The following FAF1 variants were observed in gnomAD, a reference collection of about 807,000 sequenced individuals.
FAF1 encodes the protein Fas associated factor 1, also known as FAS-associated factor 1.
A neutral mutation model predicts 92.5 loss-of-function variants in FAF1; 25 were observed. The observed-to-expected ratio is 0.27, with a 90% confidence interval of 0.20 to 0.38. The LOEUF is 0.38. FAF1 is among the 10% of genes least tolerant of loss of function. FAF1 has a pLI of 1.00. For missense variants in FAF1, 636 were observed against 793.3 expected (o/e 0.80, Z 2.38); for synonymous variants, 234 against 273.2 (o/e 0.86, Z 1.42).
At chr1:50,894,155 C>T (rs2124703177) in intron 1 of FAF1, among the ~76,000 whole-genome samples, 1 of 151,880 alleles carries the variant, frequency 6.6e-6, no homozygotes, top group South Asian at 2.1e-4. Flanking sequence ...AAAAATTAGC[C>T]AGGTGTGGTG....
At chr1:50,798,258 T>C (rs1317203666) in intron 3 of FAF1, among the ~76,000 whole-genome samples, 1 of 152,190 alleles carries the variant, frequency 6.6e-6, no homozygotes, top group Non-Finnish European at 1.5e-5. Context: ...AATAAACATC[T>C]TCTCTAGGTG....
intron 3 of FAF1, among the ~76,000 whole-genome samples, chr1:50,800,157 T>C: frequency 6.6e-6 from 1 of 152,316 alleles, no homozygotes; most frequent in South Asian, 2.1e-4. Flanking sequence ...AGTCATAAAA[T>C]ATATTAAATA....
chr1:50,492,291 T>A (rs575959738), intron 15 of FAF1, among the ~76,000 whole-genome samples: 23 of 152,166 alleles, frequency 1.5e-4, no homozygotes, highest in Non-Finnish European at 2.5e-4. Context: ...TGGGTCAGTG[T>A]AGAAAGAGGC....
At position 50,437,594 on chromosome 1, in the gene FAF1, G is replaced by A. The variant is rs1186447400; in HGVS notation, c.*3846C>T. 1 of 151,858 alleles carries A rather than the reference G, an allele frequency of 6.6e-6. No individual in the cohort carries two copies. Among genetic ancestry groups the A allele is most frequent in the African/African-American group, 2.4e-5 (1 of 41,330 alleles). 9.4% of individuals were successfully genotyped at this position (151,858 alleles called of 1,614,324 possible). A position where few individuals can be genotyped will look rare whatever the true frequency, so the allele number is the denominator to read the frequency against. On this transcript the variant is annotated 3_prime_UTR_variant, in exon 19 of 19. Transcript: ENST00000396153. ...TATTTATTTATTTTTTTAGAGACAG[G>A]GTCTTGGTATGTGGTCAGGGCTGGT...
At chr1:50,894,355 G>GTGGTGAA (rs1248390235) in intron 1 of FAF1, among the ~76,000 whole-genome samples, 1 of 146,254 alleles carries the variant, frequency 6.8e-6, no homozygotes, top group Non-Finnish European at 1.5e-5. Context: ...CAGTCAACTT[G>GTGGTGAA]TGGTGAATGC....
chr1:50,622,358 AAGGTTCCC>A (rs930569189), intron 8 of FAF1, among the ~76,000 whole-genome samples: 2 of 151,952 alleles, frequency 1.3e-5, no homozygotes, highest in African/African-American at 4.8e-5. Flanking sequence ...TACTCCACAC[AAGGTTCCC>A]AGCTTCCTCC....
At chr1:50,826,585 A>C (rs1644100553) in intron 2 of FAF1, among the ~76,000 whole-genome samples, 1 of 152,002 alleles carries the variant, frequency 6.6e-6, no homozygotes, top group African/African-American at 2.4e-5. Flanking sequence ...TATTAAGACT[A>C]CTAAAATTAA....
rs190392530 is a variant in FAF1 at position 50,441,927 on chromosome 1, C to A, written c.1870-404G>T. 1.6e-3 allele frequency among the ~76,000 whole-genome samples: 237 copies of A among 151,754 alleles called. 1 individual carries two copies. The highest frequency in any genetic ancestry group is 5.6e-3 in the African/African-American group (230 of 41,386). On this transcript the variant is annotated intron_variant, in intron 18 of 18. Coordinates refer to ENST00000396153, the MANE Select transcript of FAF1 (RefSeq NM_007051.3). ...CAGCTAAGCCTTTGGGGCTGATCTT[C>A]CTCTTAGAACTACATTATAAACTGT... is the stretch of plus-strand genomic sequence containing the variant.
intron 7 of FAF1, among the ~76,000 whole-genome samples, chr1:50,657,820 C>T (rs772575959): frequency 6.6e-6 from 1 of 152,180 alleles, no homozygotes; most frequent in Middle Eastern, 3.2e-3. Context: ...TAATTCACAC[C>T]TGTGGAAAAA....
chr1:50,609,779 G>A (rs371483175), intron 8 of FAF1, among the ~76,000 whole-genome samples: 23 of 147,180 alleles, frequency 1.6e-4, no homozygotes, highest in African/African-American at 5.0e-4. Context: ...GGAACATGGT[G>A]AAGTTGAATT....
chr1:50,441,392 A>T lies in FAF1; in HGVS notation c.*48T>A, dbSNP rs1185181544. ...TGGCGAGGAGCCCTTCTCCTGACGCAGGCTGCTGGCTTGTCAAGGAATGGC... is the reference window on the plus strand; with the variant it reads ...TGGCGAGGAGCCCTTCTCCTGACGCTGGCTGCTGGCTTGTCAAGGAATGGC... On this transcript the variant is annotated 3_prime_UTR_variant, in exon 19 of 19. Transcript: ENST00000396153. The T allele has an allele frequency of 7.3e-6, 9 of 1,238,358 alleles. No individual in the cohort carries two copies. The South Asian group carries it at 1.2e-4, about 17-fold the overall frequency. The allele number at this position is 1,238,358 out of a possible 1,614,324, so 76.7% of individuals were successfully genotyped here.
At chr1:50,957,652 G>A (rs946777570) in intron 1 of FAF1, among the ~76,000 whole-genome samples, 2 of 151,932 alleles carry the variant, frequency 1.3e-5, no homozygotes, top group Admixed American at 6.6e-5. Context: ...ATGCCCGGCC[G>A]AAATTTTCAT....
chr1:50,451,653 T>C (rs778660088), intron 18 of FAF1: 6 of 161,760 alleles, frequency 3.7e-5, no homozygotes, highest in South Asian at 2.0e-4. Context: ...TAACAGAGTG[T>C]ATTATTACCT....
At chr1:50,452,906 C>A (rs1299973019) in intron 18 of FAF1, among the ~76,000 whole-genome samples, 1 of 152,240 alleles carries the variant, frequency 6.6e-6, no homozygotes, top group East Asian at 1.9e-4. Context: ...CATCACCCAA[C>A]ACCACATGGT....
chr1:50,463,712 C>T (rs1646460576), intron 18 of FAF1, among the ~76,000 whole-genome samples: 1 of 152,160 alleles, frequency 6.6e-6, no homozygotes, highest in South Asian at 2.1e-4. Context: ...ATTGTTAATT[C>T]CTCTGTCTAA....
intron 8 of FAF1, among the ~76,000 whole-genome samples, chr1:50,609,627 C>T (rs1191425805): frequency 6.6e-6 from 1 of 152,128 alleles, no homozygotes; most frequent in African/African-American, 2.4e-5. Context: ...AGCAATCCTC[C>T]TACCTTAGCT....
At chr1:50,919,543 A>G (rs1057275606) in intron 1 of FAF1, among the ~76,000 whole-genome samples, 7 of 150,696 alleles carry the variant, frequency 4.6e-5, no homozygotes, top group African/African-American at 1.2e-4. Context: ...GCTGGAGTGC[A>G]GTGGCACGGT....
intron 15 of FAF1, among the ~76,000 whole-genome samples, chr1:50,515,945 C>A (rs1647212828): frequency 6.6e-6 from 1 of 152,150 alleles, no homozygotes; most frequent in Non-Finnish European, 1.5e-5. Flanking sequence ...TTCTTCCAAA[C>A]TTAGTTTATA....
chr1:50,909,035 G>C (rs1042052135), intron 1 of FAF1, among the ~76,000 whole-genome samples: 8 of 152,078 alleles, frequency 5.3e-5, no homozygotes, highest in Non-Finnish European at 1.2e-4. Context: ...TCCACGTTTA[G>C]TGCTTCCTTC....
Sources: gnomAD v4.1 joint callset for allele counts (sites outside exome capture counted in the v4.1 genomes callset) on GRCh38, gnomAD v4.1.1 for gene constraint, MANE v1.5 for transcripts, NCBI Gene and HGNC (gene_info 2026-07-23, HGNC 2026-07-21) for gene names.